Variants in PAH observed in about 807,000 individuals in gnomAD.
PAH encodes phenylalanine hydroxylase, also known as phenylalanine-4-hydroxylase.
PAH carries 64 observed loss-of-function variants against 62.0 expected under a neutral mutation model. The observed-to-expected ratio is 1.03, with a 90% CI of 0.84 to 1.27. The LOEUF (loss-of-function observed/expected upper bound fraction) is 1.27, where lower values mean the gene tolerates loss of function less well. Among genes scored for constraint, PAH ranks in the 50% most tolerant of loss-of-function variants. The pLI is 0.00. For missense variants in PAH, 579 were observed against 542.8 expected, an observed-to-expected ratio of 1.07 and a Z score of -0.66; for synonymous variants, 195 against 196.2, an observed-to-expected ratio of 0.99 and a Z score of 0.05.
At chr12:102,906,088 A>G (rs1355295989) in intron 2 of PAH, among the ~76,000 whole-genome samples, 1 of 152,208 alleles carries the variant, frequency 6.6e-6, no homozygotes, top group Admixed American at 6.5e-5. Flanking sequence ...TTACAAAAAG[A>G]CAAATTATAA....
At chr12:102,856,315 C>T (rs909087580) in intron 5 of PAH, among the ~76,000 whole-genome samples, 9 of 152,056 alleles carry the variant, frequency 5.9e-5, no homozygotes, top group Non-Finnish European at 1.2e-4. Context: ...GTTTAAAAGT[C>T]GTTAGTTTTA....
At chr12:102,952,340 C>A (rs1879791254), upstream of PAH, among the ~76,000 whole-genome samples, 1 of 151,814 alleles carries the variant, frequency 6.6e-6, no homozygotes, top group South Asian at 2.1e-4. Context: ...TCCAGCTATT[C>A]AGGGGTTCTC....
intron 3 of PAH, among the ~76,000 whole-genome samples, chr12:102,893,172 G>T (rs928730320): frequency 6.6e-6 from 1 of 152,142 alleles, no homozygotes; most frequent in African/African-American, 2.4e-5. Flanking sequence ...GGCTGAGGCG[G>T]GTGGTTCACC....
rs778971427 is a variant in PAH at position 102,958,282 on chromosome 12, G to A, written c.-183C>T. 7 of 1,476,072 alleles carry A rather than the reference G, an allele frequency of 4.7e-6. No homozygotes were observed. The Admixed American group carries it at 7.2e-5, about 15-fold the overall frequency. The allele number at this position is 1,476,072 out of a possible 1,614,324, so 91.4% of individuals were successfully genotyped here. On this transcript the variant is annotated 5_prime_UTR_variant, in exon 1 of 5. Coordinates refer to the PAH transcript ENST00000551337. The stretch of plus-strand genomic sequence containing the variant: ...GCCAAGATGGAGAGCGGCGGCGCCG[G>A]CCAGCAGCCCCAGCCGCAGCCCCAG...
At chr12:102,843,881 G>T in intron 10 of PAH, 102 bp from the exon 11 acceptor site, 4 of 1,291,232 alleles carry the variant, frequency 3.1e-6, no homozygotes, top group Non-Finnish European at 3.3e-6. Flanking sequence ...ATCTCACCCC[G>T]ATTCCTTCTA....
intron 3 of PAH, among the ~76,000 whole-genome samples, chr12:102,882,439 T>C (rs925643176): frequency 5.3e-5 from 8 of 152,048 alleles, no homozygotes; most frequent in Non-Finnish European, 1.0e-4. Flanking sequence ...GAAATGGTGA[T>C]AATAGTAGTA....
intron 2 of PAH, among the ~76,000 whole-genome samples, chr12:102,911,660 C>A (rs1205805210): frequency 6.6e-6 from 1 of 152,170 alleles, no homozygotes; most frequent in African/African-American, 2.4e-5. Context: ...CCTGTTAGAT[C>A]CTAAAGGAGG....
intron 3 of PAH, among the ~76,000 whole-genome samples, chr12:102,881,176 G>A (rs1376930325): frequency 6.6e-6 from 1 of 150,994 alleles, no homozygotes; most frequent in East Asian, 1.9e-4. Flanking sequence ...ACCACACTCG[G>A]CTAATTTTTG....
chr12:102,881,469 G>C (rs149580772), intron 3 of PAH, among the ~76,000 whole-genome samples: 1,693 of 152,100 alleles, frequency 0.011, 14 homozygotes, highest in Non-Finnish European at 0.019. Flanking sequence ...GGTATGGAGT[G>C]GGACAAGGAC....
chr12:102,948,155 G>A (rs1879579050), intron 1 of PAH, among the ~76,000 whole-genome samples: 1 of 152,228 alleles, frequency 6.6e-6, no homozygotes, highest in Non-Finnish European at 1.5e-5. Context: ...GTCAGAGAGT[G>A]TATCAGCCTT....
intron 1 of PAH, among the ~76,000 whole-genome samples, chr12:102,949,392 G>A (rs1481120278): frequency 6.6e-6 from 1 of 152,180 alleles, no homozygotes; most frequent in Non-Finnish European, 1.5e-5. Flanking sequence ...TTCAAAGAGA[G>A]GAATGGTTGC....
chr12:102,895,996 C>T (rs1378299237), intron 2 of PAH, among the ~76,000 whole-genome samples: 5 of 151,298 alleles, frequency 3.3e-5, no homozygotes, highest in Non-Finnish European at 7.4e-5. Flanking sequence ...CACCAGTGAA[C>T]AAAATAAAGA....
rs2136784288 is a variant in PAH, at chr12:102,957,757, C to G, written c.-96+438G>C. 1 of 153,362 alleles carries G rather than the reference C, an allele frequency of 6.5e-6. No individual in the cohort carries two copies. Among genetic ancestry groups the G allele is most frequent in the Non-Finnish European group, 1.5e-5 (1 of 68,808 alleles). The allele number at this position is 153,362 out of a possible 1,614,324, so 9.5% of individuals were successfully genotyped here. On this transcript the variant is annotated intron_variant, in intron 1 of 4. Transcript: ENST00000551337. The surrounding 1 kb of genome is among the most constrained non-coding windows in gnomAD (Gnocchi z 4.1). ...GGGAGGGCGAGTGAAAGAAGGAAAT[C>G]AGAAAGGAAGGGAGTTAACAAAATA... is the stretch of plus-strand genomic sequence containing the variant.
intron 3 of PAH, among the ~76,000 whole-genome samples, chr12:102,877,801 AC>A (rs1009491577): frequency 2.0e-5 from 3 of 152,058 alleles, no homozygotes; most frequent in Non-Finnish European, 4.4e-5. Flanking sequence ...TCTCCCTCCC[AC>A]CCGTCATGGT....
chr12:102,889,557 T>G (rs867792745), intron 3 of PAH, among the ~76,000 whole-genome samples: 2 of 151,434 alleles, frequency 1.3e-5, no homozygotes, highest in African/African-American at 2.4e-5. Context: ...GACAGATAGA[T>G]AGATAGATAG....
chr12:102,855,777 G>A (rs894961787), intron 5 of PAH, among the ~76,000 whole-genome samples: 1 of 152,102 alleles, frequency 6.6e-6, no homozygotes, highest in Non-Finnish European at 1.5e-5. Flanking sequence ...AAGCAACACA[G>A]TGTATTTTTA....
intron 1 of PAH, among the ~76,000 whole-genome samples, 197 bp downstream of exon 1, chr12:102,916,874 G>A (rs931649158): frequency 6.6e-5 from 10 of 151,502 alleles, no homozygotes; most frequent in Admixed American, 3.9e-4. Flanking sequence ...GAAAGCCACC[G>A]AGGACAGATG....
upstream of PAH, among the ~76,000 whole-genome samples, chr12:102,955,704 T>C (rs962550619): frequency 1.2e-4 from 18 of 152,170 alleles, no homozygotes; most frequent in Non-Finnish European, 2.1e-4. Flanking sequence ...GGCTGTGTTG[T>C]GACTCTGCTT....
chr12:102,839,249 A>G, intron 12 of PAH, 31 bp from the exon 13 acceptor site: 2 of 1,610,666 alleles, frequency 1.2e-6, no homozygotes, highest in Non-Finnish European at 1.7e-6. Context: ...AAAATGGGCC[A>G]CTTGTATAAT....
Sources: gnomAD v4.1 joint callset for allele counts (sites outside exome capture counted in the v4.1 genomes callset) on GRCh38, gnomAD v4.1.1 for gene constraint, Gnocchi (gnomAD v3.1) non-coding constraint, MANE v1.5 for transcripts, NCBI Gene and HGNC (gene_info 2026-07-23, HGNC 2026-07-21) for gene names.